The following CSMD1 variants were observed in gnomAD, a reference collection of about 807,000 sequenced individuals.
CSMD1 encodes CUB and Sushi multiple domains 1, also known as CUB and sushi domain-containing protein 1.
CSMD1 carries 213 observed loss-of-function variants against 417.5 expected under a neutral mutation model. The observed-to-expected ratio is 0.51, with a 90% CI of 0.46 to 0.57. The LOEUF (loss-of-function observed/expected upper bound fraction) is 0.57. Among genes scored for constraint, CSMD1 ranks in the 20% least tolerant of loss-of-function variants. The pLI is 0.00. For synonymous variants in CSMD1, 2,862 were observed against 1,736.8 expected (o/e 1.65, Z -16.11); for missense variants, 6,923 against 4,529.7 (o/e 1.53, Z -15.17).
chr8:4,196,067 C>G (rs564988785), intron 3 of CSMD1, among the ~76,000 whole-genome samples: 3 of 151,966 alleles, frequency 2.0e-5, no homozygotes, highest in Non-Finnish European at 4.4e-5. Context: ...AAAAATTAGC[C>G]GGGCGTGGTG....
chr8:4,302,369 G>C (rs1314889323), intron 3 of CSMD1, among the ~76,000 whole-genome samples: 3 of 152,060 alleles, frequency 2.0e-5, no homozygotes. Context: ...ATGTATCAAG[G>C]GGTTATACTA....
chr8:3,385,074 A>G (rs1380570024), intron 18 of CSMD1, among the ~76,000 whole-genome samples: 8 of 114,342 alleles, frequency 7.0e-5, no homozygotes, highest in Non-Finnish European at 4.8e-5. Flanking sequence ...ATATAAATAT[A>G]TATATAATTT....
intron 1 of CSMD1, among the ~76,000 whole-genome samples, chr8:4,775,752 A>G (rs1255377743): frequency 1.3e-5 from 2 of 152,210 alleles, no homozygotes; most frequent in Non-Finnish European, 2.9e-5. Flanking sequence ...CCTGCCATCC[A>G]AGAGTCTGCT....
chr8:4,359,211 T>C (rs1397032346), intron 3 of CSMD1, among the ~76,000 whole-genome samples: 1 of 152,202 alleles, frequency 6.6e-6, no homozygotes, highest in African/African-American at 2.4e-5. Context: ...ATGAGTTGCA[T>C]TATCTGTAGA....
At chr8:4,224,645 G>C (rs1023857631) in intron 3 of CSMD1, among the ~76,000 whole-genome samples, 7 of 152,226 alleles carry the variant, frequency 4.6e-5, no homozygotes, top group Non-Finnish European at 8.8e-5. Context: ...ATAGTGAAGA[G>C]GGAGATAAGT....
intron 3 of CSMD1, among the ~76,000 whole-genome samples, chr8:4,171,665 A>T (rs1029835715): frequency 6.7e-5 from 10 of 149,796 alleles, no homozygotes; most frequent in African/African-American, 2.5e-4. Flanking sequence ...CAATGCAGAT[A>T]AACTGGTAGA....
intron 12 of CSMD1, among the ~76,000 whole-genome samples, chr8:3,468,189 A>G (rs1198757427): frequency 6.6e-6 from 1 of 152,198 alleles, no homozygotes; most frequent in African/African-American, 2.4e-5. Context: ...CAGGAAATTC[A>G]TTTGCATTTC....
chr8:3,055,159 A>G (rs1239734796), intron 49 of CSMD1, among the ~76,000 whole-genome samples: 1 of 152,204 alleles, frequency 6.6e-6, no homozygotes, highest in Non-Finnish European at 1.5e-5. Flanking sequence ...ATGACATTCT[A>G]CAAACACAGA....
chr8:4,314,168 A>G (rs937748067), intron 3 of CSMD1, among the ~76,000 whole-genome samples: 8 of 152,146 alleles, frequency 5.3e-5, no homozygotes, highest in Non-Finnish European at 1.2e-4. Context: ...AAGGCTTAAA[A>G]GCATCTCATT....
chr8:3,729,946 A>AC (rs1802734386), intron 6 of CSMD1, among the ~76,000 whole-genome samples: 1 of 19,188 alleles, frequency 5.2e-5, no homozygotes, highest in African/African-American at 7.7e-5. Flanking sequence ...AAAAAAAAAA[A>AC]AAAAAAAAAA....
intron 23 of CSMD1, among the ~76,000 whole-genome samples, chr8:3,312,191 C>CT (rs1805403003): frequency 6.6e-6 from 1 of 152,114 alleles, no homozygotes; most frequent in Non-Finnish European, 1.5e-5. Context: ...TGTTTTATTG[C>CT]TTTTTCTATC....
chr8:3,543,081 G>T (rs950447553), intron 10 of CSMD1, among the ~76,000 whole-genome samples: 2 of 152,158 alleles, frequency 1.3e-5, no homozygotes, highest in African/African-American at 4.8e-5. Flanking sequence ...CAGTGCAAAG[G>T]GAACCTGCTT....
In CSMD1 at chr8:4,560,231, G is replaced by C. The variant is rs550882115; in HGVS notation, c.302+77111C>G. On this transcript the variant is annotated intron_variant, in intron 2 of 69. Coordinates refer to ENST00000635120, the MANE Select transcript of CSMD1 (RefSeq NM_033225.6). ...GCAGCAAAGCTAAGAAGCCATGTTTGCTCATTTCCTGCCAAAGTAATTTCA... is the reference window on the plus strand; with the variant it reads ...GCAGCAAAGCTAAGAAGCCATGTTTCCTCATTTCCTGCCAAAGTAATTTCA... Among the ~76,000 whole-genome samples, 7 of 152,346 alleles carry C rather than the reference G, an allele frequency of 4.6e-5. No individual in the cohort carries two copies. The East Asian group carries it at 1.4e-3, about 29-fold the overall frequency.
chr8:4,194,131 T>C (rs192523827), intron 3 of CSMD1, among the ~76,000 whole-genome samples: 43 of 152,274 alleles, frequency 2.8e-4, no homozygotes, highest in African/African-American at 9.9e-4. Context: ...GAATGCAGAA[T>C]GATAAAAATG....
At chr8:3,861,991 T>C (rs146454078) in intron 5 of CSMD1, among the ~76,000 whole-genome samples, 156 of 152,314 alleles carry the variant, frequency 1.0e-3, no homozygotes, top group Non-Finnish European at 1.8e-3. Flanking sequence ...TGTTTATATC[T>C]TGTGGAACAT....
intron 4 of CSMD1, among the ~76,000 whole-genome samples, chr8:4,023,618 G>A (rs1363507016): frequency 3.6e-5 from 5 of 140,338 alleles, no homozygotes; most frequent in Admixed American, 1.5e-4. Context: ...ACGGAGTCTC[G>A]CTCTGTCGCC....
At chr8:4,907,992 C>A (rs1049857556) in intron 1 of CSMD1, among the ~76,000 whole-genome samples, 2 of 152,072 alleles carry the variant, frequency 1.3e-5, no homozygotes, top group Non-Finnish European at 2.9e-5. Flanking sequence ...TTCTAATACA[C>A]CATCTGGGAA....
At chr8:4,738,704 T>C (rs1041703041) in intron 1 of CSMD1, among the ~76,000 whole-genome samples, 1 of 152,198 alleles carries the variant, frequency 6.6e-6, no homozygotes, top group East Asian at 1.9e-4. Flanking sequence ...TAAATTTTCA[T>C]TGATATATTA....
In CSMD1 at chr8:3,343,530, C is replaced by T. The variant is rs187512933; in HGVS notation, c.3475-80G>A. On this transcript the variant is annotated intron_variant, in intron 22 of 69. Transcript: ENST00000635120. ...AGCAATGGTAATAAACAATCCAAAT[C>T]TTCAAAGATGCAGTTTTAAACAATA... is the stretch of plus-strand genomic sequence containing the variant. The T allele has an allele frequency of 5.8e-4, 739 of 1,264,818 alleles. 2 individuals are homozygous for T. The African/African-American group carries it at 8.8e-3, about 15-fold the overall frequency. The allele number at this position is 1,264,818 out of a possible 1,614,324, so 78.3% of individuals were successfully genotyped here.
Sources: gnomAD v4.1 joint callset for allele counts (sites outside exome capture counted in the v4.1 genomes callset) on GRCh38, gnomAD v4.1.1 for gene constraint, MANE v1.5 for transcripts, NCBI Gene and HGNC (gene_info 2026-07-23, HGNC 2026-07-21) for gene names.